Variants in CD247 observed in about 807,000 individuals in gnomAD.
CD247 encodes T-cell surface glycoprotein CD3 zeta chain.
Under a neutral mutation model 30.0 loss-of-function variants are expected in CD247, and 13 were observed. The observed-to-expected ratio is 0.43, with a 90% CI of 0.28 to 0.69. The LOEUF (loss-of-function observed/expected upper bound fraction) is 0.69. Ranked by LOEUF, CD247 falls within the 30% of genes least tolerant of loss-of-function variation. The pLI, the probability that CD247 is intolerant of heterozygous loss-of-function variation, is 0.16. For synonymous variants in CD247, 72 were observed against 80.0 expected (o/e 0.90, Z 0.53); for missense variants, 193 against 212.6 (o/e 0.91, Z 0.57).
At chr1:167,476,406 A>C (rs1653748848) in intron 1 of CD247, among the ~76,000 whole-genome samples, 1 of 152,174 alleles carries the variant, frequency 6.6e-6, no homozygotes, top group Non-Finnish European at 1.5e-5. Flanking sequence ...TTAATCTCTT[A>C]ATTTTCTTTC....
chr1:167,450,878 A>G (rs568368417), intron 1 of CD247, among the ~76,000 whole-genome samples: 2 of 150,612 alleles, frequency 1.3e-5, no homozygotes, highest in Non-Finnish European at 2.9e-5. Context: ...GAGCCACTGC[A>G]ATCCCACCTG....
At chr1:167,453,385 C>G (rs1652464709) in intron 1 of CD247, among the ~76,000 whole-genome samples, 1 of 152,172 alleles carries the variant, frequency 6.6e-6, no homozygotes. Context: ...TTTGTTCTTT[C>G]TCACGCAGCA....
At chr1:167,517,735 G>T (rs948411090) in intron 1 of CD247, among the ~76,000 whole-genome samples, 10 of 152,168 alleles carry the variant, frequency 6.6e-5, no homozygotes, top group Non-Finnish European at 1.5e-5. Flanking sequence ...GGGATGGTGC[G>T]TCACCCGGCA....
chr1:167,442,410 G>A (rs1277062206), intron 1 of CD247, among the ~76,000 whole-genome samples: 1 of 152,218 alleles, frequency 6.6e-6, no homozygotes, highest in Non-Finnish European at 1.5e-5. Flanking sequence ...CTTTCTGGCT[G>A]TGTGATTTGG....
intron 1 of CD247, among the ~76,000 whole-genome samples, chr1:167,469,627 C>T (rs924510090): frequency 6.6e-6 from 1 of 151,440 alleles, no homozygotes; most frequent in Non-Finnish European, 1.5e-5. Context: ...CTCCTCACCC[C>T]TTTTTTTTTC....
At chr1:167,511,704 T>C (rs973367106) in intron 1 of CD247, among the ~76,000 whole-genome samples, 4 of 152,102 alleles carry the variant, frequency 2.6e-5, no homozygotes, top group Non-Finnish European at 5.9e-5. Flanking sequence ...GGCTTCAGAA[T>C]CCAGTCTTTG....
chr1:167,507,055 C>T (rs1246336737), intron 1 of CD247, among the ~76,000 whole-genome samples: 3 of 151,846 alleles, frequency 2.0e-5, no homozygotes. Context: ...CACCACCATG[C>T]CCAGCTAATT....
chr1:167,440,580 G>C lies in CD247; in HGVS notation c.162+84C>G, dbSNP rs191031871. The C allele has an allele frequency of 1.4e-5, 13 of 902,024 alleles. No homozygotes were observed. In the East Asian group the frequency reaches 3.0e-4, roughly 21 times the overall value. 55.9% of individuals were successfully genotyped at this position (902,024 alleles called of 1,614,324 possible). A position where few individuals can be genotyped will look rare whatever the true frequency, so the allele number is the denominator to read the frequency against. On this transcript the variant is annotated intron_variant, in intron 2 of 7. Coordinates refer to ENST00000362089, the MANE Select transcript of CD247 (RefSeq NM_198053.3). ...CAAGCCCCAGGCACCACCCGAGCTT[G>C]AGACCTTCCAAGACCAAGGCCCCTC...
intron 3 of CD247, 69 bp downstream of exon 3, chr1:167,439,275 G>C: frequency 7.1e-7 from 1 of 1,404,964 alleles, no homozygotes; most frequent in Non-Finnish European, 1.0e-6. Flanking sequence ...ACTCTGGCGG[G>C]CGCGTTCCCT....
chr1:167,433,093 A>G (rs1223433667), intron 6 of CD247, 34 bp from the exon 7 acceptor site: 5 of 1,613,154 alleles, frequency 3.1e-6, no homozygotes, highest in South Asian at 1.1e-5. Flanking sequence ...GAAAAGGATT[A>G]GAAAGTCAGG....
At chr1:167,434,889 C>G in intron 5 of CD247, 1 of 467,050 alleles carries the variant, frequency 2.1e-6, no homozygotes, top group South Asian at 1.5e-5. Context: ...GAGTGAGGAG[C>G]AACCGCCTTC....
intron 2 of CD247, chr1:167,439,656 T>C: frequency 1.8e-6 from 1 of 558,104 alleles, no homozygotes; most frequent in Non-Finnish European, 3.2e-6. Context: ...TGGAGTTTAT[T>C]CTTCCCGGGC....
rs1651408735 is a variant in CD247, at chr1:167,434,071, C to T, written c.342G>A (p.Leu114=). Residue 114 remains leucine, a synonymous_variant, in exon 6 of 8, where the codon CTG becomes CTA. Coordinates refer to ENST00000362089, the MANE Select transcript of CD247 (RefSeq NM_198053.3). ...AGGCCTCCGCCATCTTATCTTTCTG[C>T]AGTTCCTGCAGAAGAGGGCGTGGAA... ...KNPQEGLYNE[L]QKDKMAEAYS... The T allele has an allele frequency of 6.2e-7, 1 of 1,613,998 alleles. No homozygotes were observed. The highest frequency in any genetic ancestry group is 8.5e-7 in the Non-Finnish European group (1 of 1,179,820).
In CD247 at chr1:167,510,943, G is replaced by T. The variant is rs147564950; in HGVS notation, c.58+7465C>A. On this transcript the variant is annotated intron_variant, in intron 1 of 7. Coordinates refer to ENST00000362089, the MANE Select transcript of CD247 (RefSeq NM_198053.3). ...CAGCTTTGGGGGTGGCCCACTAAGAGTCTCAGATATTCACATCTCCAGCTG... is the reference window on the plus strand; with the variant it reads ...CAGCTTTGGGGGTGGCCCACTAAGATTCTCAGATATTCACATCTCCAGCTG... Among the ~76,000 whole-genome samples the T allele has an allele frequency of 9.9e-5, 15 of 152,238 alleles. No individual in the cohort carries two copies. In the East Asian group the frequency reaches 2.9e-3, roughly 29 times the overall value.
chr1:167,504,164 C>T (rs538371836), intron 1 of CD247, among the ~76,000 whole-genome samples: 1 of 152,302 alleles, frequency 6.6e-6, no homozygotes, highest in African/African-American at 2.4e-5. Flanking sequence ...CATGGACCCC[C>T]AGGGCTGAAT....
chr1:167,442,867 G>C (rs12569040), intron 1 of CD247, among the ~76,000 whole-genome samples: 1 of 152,072 alleles, frequency 6.6e-6, no homozygotes, highest in Non-Finnish European at 1.5e-5. Context: ...CCACTCGGAC[G>C]AGAGTCCAAG....
chr1:167,462,067 A>T (rs575803040), intron 1 of CD247, among the ~76,000 whole-genome samples: 6 of 152,280 alleles, frequency 3.9e-5, no homozygotes, highest in Admixed American at 3.9e-4. Context: ...AGGAAAGCTG[A>T]ATATTTAGCA....
intron 1 of CD247, among the ~76,000 whole-genome samples, chr1:167,475,764 G>A (rs2995093): frequency 0.56 from 85,097 of 152,020 alleles, 24,111 homozygotes; most frequent in South Asian, 0.67. Context: ...GGGAGATTCT[G>A]TGGCACAAAT....
intron 1 of CD247, among the ~76,000 whole-genome samples, chr1:167,501,938 T>G (rs970382483): frequency 1.3e-5 from 2 of 152,214 alleles, no homozygotes; most frequent in African/African-American, 4.8e-5. Context: ...CCACTCAGAT[T>G]CATTTCAAGA....
Sources: gnomAD v4.1 joint callset for allele counts (sites outside exome capture counted in the v4.1 genomes callset) on GRCh38, gnomAD v4.1.1 for gene constraint, MANE v1.5 for transcripts, NCBI Gene and HGNC (gene_info 2026-07-23, HGNC 2026-07-21) for gene names.